Variants in PTBP3 observed in about 807,000 individuals in gnomAD.
PTBP3 encodes polypyrimidine tract-binding protein 3.
PTBP3 carries 20 observed loss-of-function variants against 58.7 expected under a neutral mutation model. The observed-to-expected ratio is 0.34, with a 90% CI of 0.24 to 0.50. The LOEUF is 0.50. Ranked by LOEUF, PTBP3 falls within the 20% of genes least tolerant of loss-of-function variation. The probability of loss-of-function intolerance (pLI) is 0.98; values close to 1 mark genes in which losing one functional copy is unlikely to be tolerated. For synonymous variants in PTBP3, 185 were observed against 219.8 expected (o/e 0.84, Z 1.40); for missense variants, 509 against 637.2 (o/e 0.80, Z 2.17).
chr9:112,332,786 G>A (rs759834495), intron 1 of PTBP3: 2 of 1,612,142 alleles, frequency 1.2e-6, no homozygotes, highest in South Asian at 1.1e-5. Context: ...TTACATACAC[G>A]GGCAGATAAT....
chr9:112,298,900 TAG>T (rs1405739905), intron 1 of PTBP3, among the ~76,000 whole-genome samples: 1 of 152,136 alleles, frequency 6.6e-6, no homozygotes, highest in Admixed American at 6.5e-5. Flanking sequence ...TGGAAGTTTA[TAG>T]AGACATCTGG....
At chr9:112,373,526 C>G in the PTBP3 span, among the ~76,000 whole-genome samples, 1 of 152,198 alleles carries the variant, frequency 6.6e-6, no homozygotes, top group Non-Finnish European at 1.5e-5. Context: ...CACCGAGGAT[C>G]AATACTTTGC....
At chr9:112,292,192 T>C (rs1180850565) in intron 2 of PTBP3, among the ~76,000 whole-genome samples, 2 of 152,240 alleles carry the variant, frequency 1.3e-5, no homozygotes, top group Non-Finnish European at 2.9e-5. Flanking sequence ...TCAGCATTAC[T>C]AATCATCAGG....
chr9:112,233,295 G>A (rs1233357479), intron 8 of PTBP3, among the ~76,000 whole-genome samples: 1 of 151,078 alleles, frequency 6.6e-6, no homozygotes, highest in Non-Finnish European at 1.5e-5. Context: ...GTGTGTGTGT[G>A]TGTGTGTGTG....
At chr9:112,283,837 C>T (rs4979094) in intron 2 of PTBP3, among the ~76,000 whole-genome samples, 81,926 of 152,078 alleles carry the variant, frequency 0.54, 23,264 homozygotes, top group African/African-American at 0.73. Flanking sequence ...AACTTGGTGC[C>T]CTGCATCCCA....
At chr9:112,312,073 T>C (rs1017406992) in intron 1 of PTBP3, among the ~76,000 whole-genome samples, 16 of 152,242 alleles carry the variant, frequency 1.1e-4, no homozygotes, top group African/African-American at 3.1e-4. Flanking sequence ...TGGGAAATTC[T>C]TTGTTTATAG....
chr9:112,268,778 G>A (rs774231128), intron 3 of PTBP3, among the ~76,000 whole-genome samples: 2 of 151,052 alleles, frequency 1.3e-5, no homozygotes, highest in Admixed American at 6.6e-5. Flanking sequence ...TGCAGTTTTC[G>A]GTTTTCCTTT....
At chr9:112,235,047 A>C (rs750650497) in intron 7 of PTBP3, 150 bp from the exon 8 acceptor site, 1 of 611,858 alleles carries the variant, frequency 1.6e-6, no homozygotes, top group Non-Finnish European at 2.7e-6. Context: ...TTTAACGTAT[A>C]AAAAGAGCCT....
the PTBP3 span, among the ~76,000 whole-genome samples, chr9:112,366,273 C>T: frequency 2.8e-5 from 3 of 106,138 alleles, no homozygotes; most frequent in Non-Finnish European, 6.2e-5. Context: ...TAGAGTAAGA[C>T]TCTGTCTCAA....
At chr9:112,249,923 G>C (rs568205285) in intron 7 of PTBP3, among the ~76,000 whole-genome samples, 157 of 151,598 alleles carry the variant, frequency 1.0e-3, no homozygotes, top group Non-Finnish European at 1.8e-3. Flanking sequence ...TTAGGGGCTG[G>C]TAACAAATAC....
intron 9 of PTBP3, 72 bp downstream of exon 9, chr9:112,232,027 A>T: frequency 8.2e-7 from 1 of 1,216,954 alleles, no homozygotes; most frequent in Non-Finnish European, 1.1e-6. Flanking sequence ...AAGAAAAGAA[A>T]AGAAAGAAAG....
chr9:112,363,614 A>G, the PTBP3 span, among the ~76,000 whole-genome samples: 3 of 151,784 alleles, frequency 2.0e-5, no homozygotes, highest in Non-Finnish European at 2.9e-5. Flanking sequence ...TCAATAGAGC[A>G]TAAGTGTATC....
At position 112,228,466 on chromosome 9, in the gene PTBP3, T is replaced by A; in HGVS notation, c.1061A>T (p.Tyr354Phe). 6.3e-7 allele frequency: 1 copy of A among 1,589,068 alleles called. No homozygotes were observed. The highest frequency in any genetic ancestry group is 8.5e-7 in the Non-Finnish European group (1 of 1,169,982). ...AATCTTCACTCGATGTACATCACCA[T>A]AGACTCCTAATTAAAACAAAACAAA... ...PHGLFILFGV[Y>F]GDVHRVKIMF... Residue 354 changes from tyrosine (Y) to phenylalanine (F), a missense_variant, in exon 11 of 14, where the codon TAT becomes TTT. Physicochemically the swap from Tyr to Phe is conservative, Grantham distance 22. Around this residue, in one of 4 missense-constraint regions of PTBP3, gnomAD observed 135 missense variants for 229.0 expected, o/e 0.59. Transcript: ENST00000374257.
chr9:112,294,382 G>A (rs2132297794), intron 2 of PTBP3, among the ~76,000 whole-genome samples: 1 of 152,222 alleles, frequency 6.6e-6, no homozygotes, highest in South Asian at 2.1e-4. Flanking sequence ...GCTGGGTGTG[G>A]TGGCACATGC....
intron 7 of PTBP3, among the ~76,000 whole-genome samples, chr9:112,240,260 C>T (rs1835602964): frequency 6.6e-6 from 1 of 152,064 alleles, no homozygotes; most frequent in African/African-American, 2.4e-5. Flanking sequence ...ATATAGAATA[C>T]AATGTACATA....
chr9:112,320,279 TAAA>T lies in PTBP3; in HGVS notation c.-52+13188_-52+13190del, dbSNP rs35381625. Among the ~76,000 whole-genome samples the T allele has an allele frequency of 1.1e-3, 47 of 43,720 alleles. 2 individuals are homozygous for T. Among genetic ancestry groups the T allele is most frequent in the African/African-American group, 6.0e-3 (45 of 7,510 alleles). The allele number at this position is 43,720 out of a possible 152,430, so 28.7% of individuals were successfully genotyped here. A position where few individuals can be genotyped will look rare whatever the true frequency, so the allele number is the denominator to read the frequency against. On this transcript the variant is annotated intron_variant, in intron 1 of 13. Coordinates refer to ENST00000374257, the MANE Select transcript of PTBP3 (RefSeq NM_001163788.4). ...GGCAACAGGACGAGACCCTTTCTCT[TAAA>T]AAAAAAAAAATATATATATATATAT... is the stretch of plus-strand genomic sequence containing the variant.
Position 112,223,098 on chromosome 9 carries a change from C to G in PTBP3, c.*753G>C, listed in dbSNP as rs1323508996. 2.3e-6 allele frequency: 2 copies of G among 867,102 alleles called. No homozygotes were observed. The highest frequency in any genetic ancestry group is 2.8e-6 in the Non-Finnish European group (2 of 722,280). 53.7% of individuals were successfully genotyped at this position (867,102 alleles called of 1,614,324 possible). ...TTGAAATTTAAAACATGATTTTTTC[C>G]TAATAAAATTATTAGTTATTCTGAC... On this transcript the variant is annotated 3_prime_UTR_variant, in exon 14 of 14. Transcript: ENST00000374257.
chr9:112,347,573 G>A, the PTBP3 span, among the ~76,000 whole-genome samples: 1 of 152,026 alleles, frequency 6.6e-6, no homozygotes, highest in Non-Finnish European at 1.5e-5. Flanking sequence ...GAACTCTTGG[G>A]CTCAAGTGAT....
At chr9:112,257,645 A>G (rs1836424874) in intron 5 of PTBP3, among the ~76,000 whole-genome samples, 3 of 152,208 alleles carry the variant, frequency 2.0e-5, no homozygotes, top group Admixed American at 2.0e-4. Context: ...TCACTTGTAA[A>G]AAGTGTATTC....
Sources: gnomAD v4.1 joint callset for allele counts (sites outside exome capture counted in the v4.1 genomes callset) on GRCh38, gnomAD v4.1.1 for gene constraint, gnomAD v4.1.1 regional missense constraint, MANE v1.5 for transcripts, NCBI Gene and HGNC (gene_info 2026-07-23, HGNC 2026-07-21) for gene names.